NOTCH2: variants seen among roughly 807,000 people sequenced by gnomAD.
The protein encoded by NOTCH2 is neurogenic locus notch homolog protein 2.
Under a neutral mutation model 235.8 loss-of-function variants are expected in NOTCH2, and 29 were observed. The ratio of observed to expected loss-of-function variants is 0.12; its 90% CI spans 0.09 to 0.17. The LOEUF is 0.17. Among genes scored for constraint, NOTCH2 ranks in the 10% least tolerant of loss-of-function variants. The probability of loss-of-function intolerance (pLI) is 1.00; values close to 1 mark genes in which losing one functional copy is unlikely to be tolerated. For synonymous variants in NOTCH2, 1,086 were observed against 1,141.5 expected, an observed-to-expected ratio of 0.95 and a Z score of 0.98; for missense variants, 2,285 against 3,150.2, an observed-to-expected ratio of 0.73 and a Z score of 6.57.
chr1:120,066,087 G>A (rs1428581200), intron 1 of NOTCH2, among the ~76,000 whole-genome samples: 5 of 151,906 alleles, frequency 3.3e-5, no homozygotes, highest in African/African-American at 4.8e-5. Context: ...AATATATGAA[G>A]CCCTTCTAAA....
intron 2 of NOTCH2, among the ~76,000 whole-genome samples, chr1:120,014,484 G>A (rs1469917021): frequency 1.1e-3 from 163 of 148,696 alleles, no homozygotes; most frequent in African/African-American, 3.8e-3. Flanking sequence ...GCATGGGGTT[G>A]GATGTAGAAA....
chr1:119,915,574 T>G lies in NOTCH2; in HGVS notation c.7148A>C (p.Tyr2383Ser), dbSNP rs1354607034. 1 of 1,613,882 alleles carries G rather than the reference T, an allele frequency of 6.2e-7. No homozygotes were observed. The highest frequency in any genetic ancestry group is 2.2e-5 in the East Asian group (1 of 44,870). The change falls in exon 34 of 34, where the codon TAC (tyrosine) becomes TCC (serine). Residue 2383 changes from tyrosine to serine, a missense_variant. Tyr to Ser is a moderately radical substitution (Grantham distance 144). This residue lies in a region of NOTCH2 where 504 missense variants were observed against 538.0 expected (regional missense o/e 0.94). Coordinates refer to ENST00000256646, the MANE Select transcript of NOTCH2 (RefSeq NM_024408.4). ...ACTGTGCTGTGAAGGGGGTGTGGGG[T>G]ACTTGCCCACAGAGGCTGGGAAAGG... ...YHPFPASVGK[Y>S]PTPPSQHSYA...
intron 2 of NOTCH2, among the ~76,000 whole-genome samples, chr1:120,015,025 G>A: frequency 1.4e-5 from 2 of 145,100 alleles, no homozygotes; most frequent in African/African-American, 5.1e-5. Context: ...CGAGGATTTG[G>A]CCATTCAAAA....
chr1:119,983,393 T>C (rs782675922), intron 5 of NOTCH2, among the ~76,000 whole-genome samples: 4 of 152,064 alleles, frequency 2.6e-5, no homozygotes, highest in Non-Finnish European at 4.4e-5. Context: ...GCCCAAGAGA[T>C]CCATTCATCT....
chr1:120,066,196 C>T (rs368789464), intron 1 of NOTCH2, among the ~76,000 whole-genome samples: 3 of 152,002 alleles, frequency 2.0e-5, no homozygotes, highest in Non-Finnish European at 4.4e-5. Flanking sequence ...GAGTCAGAAG[C>T]GTTAAACACT....
In NOTCH2 at chr1:119,940,710, A is replaced by C. The variant is rs1650035156; in HGVS notation, c.3028T>G (p.Ser1010Ala). The C allele has an allele frequency of 1.9e-6, 3 of 1,614,234 alleles. No homozygotes were observed. The highest frequency in any genetic ancestry group is 2.5e-6 in the Non-Finnish European group (3 of 1,180,044). ...GTCVDGINSF[S>A]CLCPVGFTGS... ...GTGAAACCCACAGGGCACAAGCAAG[A>C]GAAGGAGTTAATCCCATCAACACAT... Residue 1010 changes from serine (S) to alanine (A), a missense_variant, in exon 19 of 34, where the codon TCT becomes GCT. Physicochemically the swap from Ser to Ala is moderately conservative, Grantham distance 99. This residue lies in a region of NOTCH2 where 1,173 missense variants were observed against 1,515.3 expected (regional missense o/e 0.77). Transcript: ENST00000256646.
At chr1:119,932,607 A>ACATCTATC (rs1553195299) in intron 22 of NOTCH2, among the ~76,000 whole-genome samples, 1 of 148,344 alleles carries the variant, frequency 6.7e-6, no homozygotes, top group African/African-American at 2.5e-5. Context: ...AAACAAACAA[A>ACATCTATC]TATCTATCTA....
In NOTCH2 at chr1:119,926,611, C is replaced by A; in HGVS notation, c.3893G>T (p.Gly1298Val). The change falls in exon 24 of 34, where the codon GGC becomes GTC. Residue 1298 changes from glycine (G) to valine (V), a missense_variant and splice_region_variant. This residue lies in a region of NOTCH2 where 1,173 missense variants were observed against 1,515.3 expected (regional missense o/e 0.77). Transcript: ENST00000256646. The stretch of plus-strand genomic sequence containing the variant: ...ATCGACGAAGGTTTCACAGTGCCGG[C>A]CTCAGAAAATAAAAAATAAAAAAGG... Reference protein sequence around the residue: ...YLCVCRSAFTGRHCETFVDVC... With the variant: ...YLCVCRSAFTVRHCETFVDVC... 1 of 1,599,018 alleles carries A rather than the reference C, an allele frequency of 6.3e-7. No individual in the cohort carries two copies. The highest frequency in any genetic ancestry group is 8.5e-7 in the Non-Finnish European group (1 of 1,170,764).
At chr1:120,060,426 A>G (rs1655271034) in intron 1 of NOTCH2, among the ~76,000 whole-genome samples, 2 of 148,564 alleles carry the variant, frequency 1.3e-5, no homozygotes, top group South Asian at 4.2e-4. Context: ...GCATATATAT[A>G]TATGTAGATC....
chr1:119,912,502 ACT>A lies in NOTCH2; in HGVS notation c.*2802_*2803del, dbSNP rs1356413603. On this transcript the variant is annotated 3_prime_UTR_variant, in exon 34 of 34. Coordinates refer to ENST00000256646, the MANE Select transcript of NOTCH2 (RefSeq NM_024408.4). ...TATACTAAAATATTTTAATTCTCAG[ACT>A]CTCTTTCCCTCATACCTTTCCCTTC... The A allele has an allele frequency of 4.3e-6, 1 of 233,096 alleles. No homozygotes were observed. Among genetic ancestry groups the A allele is most frequent in the Non-Finnish European group, 8.5e-6 (1 of 117,968 alleles). 14.4% of individuals were successfully genotyped at this position (233,096 alleles called of 1,614,324 possible). A position where few individuals can be genotyped will look rare whatever the true frequency, so the allele number is the denominator to read the frequency against.
At chr1:119,923,573 T>C in intron 26 of NOTCH2, 64 bp downstream of exon 26, 1 of 1,349,354 alleles carries the variant, frequency 7.4e-7, no homozygotes, top group Non-Finnish European at 1.1e-6. Flanking sequence ...TTATGACTTG[T>C]GCTATATGTC....
rs2101105261 is a variant in NOTCH2 at position 119,941,615 on chromosome 1, G to A, written c.2892C>T (p.Cys964=). ...LSEPCKNGGT[C]SDYVNSYTCK... is the part of the protein sequence containing the mutation. ...AAGTGTAACTGTTGACGTAGTCAGAGCAGGTCCCTCCATTCTTACAGGGTT... is the reference window on the plus strand; with the variant it reads ...AAGTGTAACTGTTGACGTAGTCAGAACAGGTCCCTCCATTCTTACAGGGTT... The change falls in exon 18 of 34, where the codon TGC becomes TGT. Residue 964 remains cysteine, a synonymous_variant. Transcript: ENST00000256646. The A allele has an allele frequency of 6.2e-7, 1 of 1,614,132 alleles. No homozygotes were observed. Among genetic ancestry groups the A allele is most frequent in the Non-Finnish European group, 8.5e-7 (1 of 1,179,996 alleles).
At chr1:119,932,607 ATATC>A (rs61476083) in intron 22 of NOTCH2, among the ~76,000 whole-genome samples, 22,060 of 148,324 alleles carry the variant, frequency 0.15, 2,241 homozygotes, top group African/African-American at 0.29. Context: ...AAACAAACAA[ATATC>A]TATCTATCTA....
intron 5 of NOTCH2, among the ~76,000 whole-genome samples, chr1:119,985,935 A>G (rs1652004175): frequency 6.6e-6 from 1 of 152,212 alleles, no homozygotes; most frequent in South Asian, 2.1e-4. Context: ...TTGGGAATTA[A>G]AAGCAGAAAT....
chr1:119,923,885 G>T lies in NOTCH2; in HGVS notation c.4611C>A (p.Asp1537Glu). 1 of 1,614,164 alleles carries T rather than the reference G, an allele frequency of 6.2e-7. No homozygotes were observed. The highest frequency in any genetic ancestry group is 8.5e-7 in the Non-Finnish European group (1 of 1,180,034). The change falls in exon 26 of 34, where the codon GAC becomes GAA. Residue 1537 changes from aspartate to glutamate, a missense_variant. Asp to Glu is a conservative substitution (Grantham distance 45). This residue lies in a region of NOTCH2 where 1,173 missense variants were observed against 1,515.3 expected (regional missense o/e 0.77). Transcript: ENST00000256646. ...CGWDGLDCAA[D>E]QPENLAEGTL... Reference sequence around the variant, plus strand: ...TACCTTCTGCCAGGTTCTCAGGTTGGTCAGCAGCACAGTCCAGCCCATCCC... The same window carrying T: ...TACCTTCTGCCAGGTTCTCAGGTTGTTCAGCAGCACAGTCCAGCCCATCCC...
chr1:119,981,723 G>C (rs1298235057), intron 5 of NOTCH2, among the ~76,000 whole-genome samples: 1 of 152,156 alleles, frequency 6.6e-6, no homozygotes, highest in Admixed American at 6.6e-5. Flanking sequence ...CACTGTGGCA[G>C]TCTGCCCAAC....
chr1:119,919,723 T>C, intron 30 of NOTCH2, 110 bp from the exon 31 acceptor site: 1 of 1,012,388 alleles, frequency 9.9e-7, no homozygotes, highest in Non-Finnish European at 1.5e-6. Context: ...AAGAATTCCC[T>C]GTACTTCTTG....
chr1:119,973,601 G>A (rs1651452826), intron 5 of NOTCH2, among the ~76,000 whole-genome samples: 1 of 152,172 alleles, frequency 6.6e-6, no homozygotes, highest in Non-Finnish European at 1.5e-5. Flanking sequence ...ACAATCTACA[G>A]ATGAGGTCGC....
chr1:120,017,947 G>A (rs1653514044), intron 2 of NOTCH2, among the ~76,000 whole-genome samples: 1 of 151,788 alleles, frequency 6.6e-6, no homozygotes, highest in Non-Finnish European at 1.5e-5. Context: ...GGCCTCAATA[G>A]CATGAACTGC....
Sources: allele counts gnomAD v4.1 joint callset (sites outside exome capture counted in the v4.1 genomes callset), GRCh38; gene constraint gnomAD v4.1.1; regional missense constraint gnomAD v4.1.1; transcripts MANE v1.5; gene names NCBI Gene and HGNC (gene_info 2026-07-23, HGNC 2026-07-21).